SNRNP48: variants seen among roughly 807,000 people sequenced by gnomAD.
SNRNP48 encodes the protein U11/U12 small nuclear ribonucleoprotein 48 kDa protein.
SNRNP48 carries 43 observed loss-of-function variants against 47.0 expected under a neutral mutation model. The observed-to-expected ratio is 0.92, with a 90% CI of 0.72 to 1.18. SNRNP48 has a LOEUF of 1.18. SNRNP48 is among the 50% of genes most tolerant of loss of function. The probability of loss-of-function intolerance (pLI) is 0.00; values close to 1 mark genes in which losing one functional copy is unlikely to be tolerated. For missense variants in SNRNP48, 396 were observed against 422.2 expected (o/e 0.94, Z 0.54); for synonymous variants, 138 against 144.0 (o/e 0.96, Z 0.30).
chr6:7,597,864 C>T (rs1759930898), intron 4 of SNRNP48, among the ~76,000 whole-genome samples: 2 of 114,328 alleles, frequency 1.7e-5, no homozygotes, highest in South Asian at 6.0e-4. Context: ...TTAACCGTAA[C>T]CTTTTTTTTT....
At chr6:7,596,305 T>C (rs2113715918) in intron 4 of SNRNP48, among the ~76,000 whole-genome samples, 1 of 151,796 alleles carries the variant, frequency 6.6e-6, no homozygotes, top group East Asian at 1.9e-4. Flanking sequence ...TTAATAAAAG[T>C]TTAAATTTCT....
chr6:7,609,319 A>G lies in SNRNP48; in HGVS notation c.*446A>G, dbSNP rs1760190022. On this transcript the variant is annotated 3_prime_UTR_variant, in exon 9 of 9. Coordinates refer to ENST00000342415, the MANE Select transcript of SNRNP48 (RefSeq NM_152551.4). ...TACCACTACACTGGTGAATTGTAGT[A>G]GGGAAAAACAATCTAAATATTGAAG... The G allele has an allele frequency of 6.6e-6, 1 of 152,384 alleles. No individual in the cohort carries two copies. Among genetic ancestry groups the G allele is most frequent in the African/African-American group, 2.4e-5 (1 of 41,444 alleles). 9.4% of individuals were successfully genotyped at this position (152,384 alleles called of 1,614,324 possible).
At chr6:7,596,732 A>C (rs1483011877) in intron 4 of SNRNP48, among the ~76,000 whole-genome samples, 2 of 152,130 alleles carry the variant, frequency 1.3e-5, no homozygotes, top group African/African-American at 4.8e-5. Flanking sequence ...GTTGACTCTC[A>C]TTTTATTTAT....
intron 4 of SNRNP48, among the ~76,000 whole-genome samples, chr6:7,598,074 A>G (rs374655027): frequency 9.9e-5 from 15 of 151,414 alleles, no homozygotes; most frequent in Non-Finnish European, 7.4e-5. Flanking sequence ...TCACTGTGTT[A>G]GCCACGATGG....
intron 1 of SNRNP48, among the ~76,000 whole-genome samples, chr6:7,590,711 C>T (rs1013985310): frequency 2.6e-5 from 4 of 152,218 alleles, no homozygotes; most frequent in Non-Finnish European, 4.4e-5. Flanking sequence ...GGCGCGGTGG[C>T]GCACGCCTGT....
intron 4 of SNRNP48, among the ~76,000 whole-genome samples, chr6:7,597,396 A>G (rs1401515081): frequency 6.6e-6 from 1 of 152,232 alleles, no homozygotes; most frequent in Non-Finnish European, 1.5e-5. Flanking sequence ...CGTGACTATC[A>G]GTGCTGTTCA....
At chr6:7,603,864 A>G (rs976679271) in intron 6 of SNRNP48, among the ~76,000 whole-genome samples, 1 of 152,236 alleles carries the variant, frequency 6.6e-6, no homozygotes, top group Non-Finnish European at 1.5e-5. Context: ...CTCTCGTCTC[A>G]TAACCCTTGT....
chr6:7,602,453 A>C (rs1292141423), intron 5 of SNRNP48, among the ~76,000 whole-genome samples, 170 bp from the exon 6 acceptor site: 1 of 152,238 alleles, frequency 6.6e-6, no homozygotes, highest in Admixed American at 6.5e-5. Flanking sequence ...TGGAGAGAAG[A>C]AATGATATAA....
chr6:7,592,191 C>T (rs1581832279), intron 1 of SNRNP48, among the ~76,000 whole-genome samples: 1 of 151,808 alleles, frequency 6.6e-6, no homozygotes, highest in African/African-American at 2.4e-5. Context: ...AGGGGGTTGG[C>T]GGGTGCGGGG....
At chr6:7,592,761 C>T (rs1255563402) in intron 1 of SNRNP48, among the ~76,000 whole-genome samples, 23 of 151,896 alleles carry the variant, frequency 1.5e-4, no homozygotes, top group Admixed American at 1.5e-3. Flanking sequence ...AGAGAGCGAG[C>T]GAGCGTAGTC....
At chr6:7,600,828 A>G (rs1760004934) in intron 4 of SNRNP48, 1 of 152,266 alleles carries the variant, frequency 6.6e-6, no homozygotes, top group Non-Finnish European at 1.5e-5. Flanking sequence ...CAAGTGGGAT[A>G]TATTTTGAAT....
rs1760182864 is a variant in SNRNP48, at chr6:7,608,980, A to T, written c.*107A>T. The T allele has an allele frequency of 3.7e-6, 2 of 541,320 alleles. No individual in the cohort carries two copies. Among genetic ancestry groups the T allele is most frequent in the Non-Finnish European group, 6.0e-6 (2 of 334,442 alleles). The allele number at this position is 541,320 out of a possible 1,614,324, so 33.5% of individuals were successfully genotyped here. Reference sequence around the variant, plus strand: ...AGGAGAATGTTTTTATGATCTGTTTAGTGCTTATTATTTTTTTTATGATCT... The same window carrying T: ...AGGAGAATGTTTTTATGATCTGTTTTGTGCTTATTATTTTTTTTATGATCT... On this transcript the variant is annotated 3_prime_UTR_variant, in exon 9 of 9. Transcript: ENST00000342415.
chr6:7,593,296 A>G (rs1450988207), intron 1 of SNRNP48, among the ~76,000 whole-genome samples: 2 of 152,244 alleles, frequency 1.3e-5, no homozygotes, highest in South Asian at 4.1e-4. Context: ...TAGAAAGAAC[A>G]TGAGGGGTGT....
chr6:7,590,523 T>C, intron 1 of SNRNP48, 110 bp downstream of exon 1: 2 of 1,178,228 alleles, frequency 1.7e-6, no homozygotes, highest in Non-Finnish European at 2.1e-6. Flanking sequence ...GGAGTCCTCG[T>C]CCGTGTGCAG....
chr6:7,594,127 A>T lies in SNRNP48; in HGVS notation c.299A>T (p.Tyr100Phe). ...GAAATGTATAATCCTGAGTTTTTCT[A>T]TGAAAATGTGAAGATACCTTCGATT... The part of the protein sequence containing the change: ...EDEMYNPEFF[Y>F]ENVKIPSITL... The change falls in exon 3 of 9, where the codon TAT becomes TTT. Residue 100 changes from tyrosine to phenylalanine, a missense_variant. By Grantham distance (22) the Tyr-to-Phe change is conservative. Transcript: ENST00000342415. 1.4e-6 allele frequency: 2 copies of T among 1,428,764 alleles called. No homozygotes were observed. Among genetic ancestry groups the T allele is most frequent in the Non-Finnish European group, 1.9e-6 (2 of 1,053,964 alleles). The allele number at this position is 1,428,764 out of a possible 1,614,324, so 88.5% of individuals were successfully genotyped here. A position where few individuals can be genotyped will look rare whatever the true frequency, so the allele number is the denominator to read the frequency against.
intron 4 of SNRNP48, among the ~76,000 whole-genome samples, chr6:7,598,323 T>C (rs887283582): frequency 1.3e-5 from 2 of 150,830 alleles, no homozygotes; most frequent in Non-Finnish European, 3.0e-5. Context: ...GGTGAAACCC[T>C]GTCTCTACTA....
At position 7,599,090 on chromosome 6, in the gene SNRNP48, G is replaced by C. The variant is rs544781474; in HGVS notation, c.407-2246G>C. Among the ~76,000 whole-genome samples the C allele has an allele frequency of 2.6e-5, 4 of 152,258 alleles. No homozygotes were observed. The East Asian group carries it at 7.7e-4, about 29-fold the overall frequency. ...GATCCAGTCTGTTCCTATCACTTGT[G>C]AGACTTTGGGCAAGTCATGTTACTT... On this transcript the variant is annotated intron_variant, in intron 4 of 8. Coordinates refer to ENST00000342415, the MANE Select transcript of SNRNP48 (RefSeq NM_152551.4).
At chr6:7,605,931 G>T in intron 7 of SNRNP48, 100 bp from the exon 8 acceptor site, 2 of 1,237,214 alleles carry the variant, frequency 1.6e-6, no homozygotes, top group South Asian at 1.6e-5. Context: ...TCTACCATTG[G>T]TTTGATATAG....
intron 4 of SNRNP48, among the ~76,000 whole-genome samples, chr6:7,598,149 G>C (rs1759941515): frequency 6.6e-6 from 1 of 151,204 alleles, no homozygotes; most frequent in Non-Finnish European, 1.5e-5. Flanking sequence ...TTACAGGCGG[G>C]AGCCACCGCG....
Sources: allele counts gnomAD v4.1 joint callset (sites outside exome capture counted in the v4.1 genomes callset), GRCh38; gene constraint gnomAD v4.1.1; transcripts MANE v1.5; gene names NCBI Gene and HGNC (gene_info 2026-07-23, HGNC 2026-07-21).